The following MKLN1 variants were observed in gnomAD, a reference collection of about 807,000 sequenced individuals.
MKLN1 encodes the protein muskelin 1, also known as muskelin.
Under a neutral mutation model 99.0 loss-of-function variants are expected in MKLN1, and 18 were observed. That is an observed-to-expected ratio of 0.18 (90% CI 0.13 to 0.27). The LOEUF is 0.27. Ranked by LOEUF, MKLN1 falls within the 10% of genes least tolerant of loss-of-function variation. The pLI is 1.00. For synonymous variants in MKLN1, 288 were observed against 293.2 expected, an observed-to-expected ratio of 0.98 and a Z score of 0.18; for missense variants, 621 against 875.9, an observed-to-expected ratio of 0.71 and a Z score of 3.67.
At chr7:131,468,349 T>C (rs1328755883) in intron 15 of MKLN1, among the ~76,000 whole-genome samples, 1 of 152,246 alleles carries the variant, frequency 6.6e-6, no homozygotes, top group Non-Finnish European at 1.5e-5. Context: ...TAGAAGAAGT[T>C]TGTGTCTATG....
chr7:131,371,578 C>T (rs1793464907), intron 1 of MKLN1, among the ~76,000 whole-genome samples: 1 of 152,034 alleles, frequency 6.6e-6, no homozygotes, highest in South Asian at 2.1e-4. Context: ...TTCACAAGAC[C>T]AAAACATATT....
At chr7:131,421,751 G>A (rs1432167298) in intron 8 of MKLN1, among the ~76,000 whole-genome samples, 2 of 152,032 alleles carry the variant, frequency 1.3e-5, no homozygotes, top group African/African-American at 2.4e-5. Context: ...TTTCACTATG[G>A]AAATGTTTTA....
chr7:131,400,518 A>T (rs199967941), intron 6 of MKLN1, among the ~76,000 whole-genome samples: 3,149 of 137,398 alleles, frequency 0.023, 82 homozygotes, highest in African/African-American at 0.064. Context: ...ATAAAAAAAA[A>T]ATATATATAT....
intron 1 of MKLN1, among the ~76,000 whole-genome samples, chr7:131,335,499 A>G (rs1799224832): frequency 6.6e-6 from 1 of 152,132 alleles, no homozygotes; most frequent in South Asian, 2.1e-4. Flanking sequence ...AGATTGAAGT[A>G]CCCTAACATA....
intron 3 of MKLN1, among the ~76,000 whole-genome samples, chr7:131,304,628 G>C (rs4416774): frequency 6.6e-6 from 1 of 152,128 alleles, no homozygotes; most frequent in African/African-American, 2.4e-5. Flanking sequence ...TTAACAGTTA[G>C]CACTGTTAAA....
chr7:131,438,031 A>T (rs1795724806), intron 10 of MKLN1, 34 bp downstream of exon 10: 1 of 1,496,432 alleles, frequency 6.7e-7, no homozygotes, highest in Non-Finnish European at 9.3e-7. Flanking sequence ...GATGGAATTA[A>T]TCAGTGCTTA....
chr7:131,475,610 G>GCAAA (rs2116662529), intron 16 of MKLN1, among the ~76,000 whole-genome samples: 1 of 152,292 alleles, frequency 6.6e-6, no homozygotes, highest in East Asian at 1.9e-4. Flanking sequence ...CCATGAGTTT[G>GCAAA]AGACCAGCTT....
chr7:131,332,922 C>A (rs906010084), intron 1 of MKLN1, among the ~76,000 whole-genome samples: 1 of 151,872 alleles, frequency 6.6e-6, no homozygotes, highest in African/African-American at 2.4e-5. Flanking sequence ...TGCCATCACG[C>A]CTGGCTAATT....
intron 3 of MKLN1, among the ~76,000 whole-genome samples, chr7:131,208,456 G>A (rs1796851814): frequency 6.6e-6 from 1 of 152,112 alleles, no homozygotes; most frequent in African/African-American, 2.4e-5. Context: ...ATAGCTGGGT[G>A]TGGTGGTGCG....
intron 3 of MKLN1, among the ~76,000 whole-genome samples, chr7:131,284,426 A>G (rs1798103153): frequency 6.6e-6 from 1 of 152,206 alleles, no homozygotes; most frequent in Non-Finnish European, 1.5e-5. Context: ...CCAAGTATGC[A>G]TGTGTATATG....
intron 6 of MKLN1, among the ~76,000 whole-genome samples, chr7:131,407,836 T>A (rs1345400680): frequency 1.3e-5 from 2 of 152,106 alleles, no homozygotes; most frequent in East Asian, 1.9e-4. Flanking sequence ...TTCATTATAT[T>A]CTCACTGAAT....
Position 131,488,928 on chromosome 7 carries a change from GTCT to G in MKLN1, c.*1204_*1206del, listed in dbSNP as rs1224029921. ...TTTTGTGTGAGAGATAGAGGTACAT[GTCT>G]TCTGATGATGTGCTGTGGAATGCAA... On this transcript the variant is annotated 3_prime_UTR_variant, in exon 18 of 18. Transcript: ENST00000352689. 6.6e-6 allele frequency: 1 copy of G among 152,126 alleles called. No homozygotes were observed. The highest frequency in any genetic ancestry group is 6.6e-5 in the Admixed American group (1 of 15,260). The allele number at this position is 152,126 out of a possible 1,614,324, so 9.4% of individuals were successfully genotyped here.
intron 1 of MKLN1, among the ~76,000 whole-genome samples, chr7:131,118,662 G>A (rs752206855): frequency 2.0e-5 from 3 of 152,156 alleles, no homozygotes; most frequent in East Asian, 1.9e-4. Context: ...AGGAAGCATC[G>A]CTGGGGAGGT....
rs1421719689 is a variant in MKLN1 at position 131,494,991 on chromosome 7, G to A, written c.*7263G>A. On this transcript the variant is annotated 3_prime_UTR_variant, in exon 18 of 18. Coordinates refer to ENST00000352689, the MANE Select transcript of MKLN1 (RefSeq NM_013255.5). ...TTCTTATCTTGCTCCCACTCCAAAAGCTATGTACAGTTGAGTTATTAGCCT... is the reference window on the plus strand; with the variant it reads ...TTCTTATCTTGCTCCCACTCCAAAAACTATGTACAGTTGAGTTATTAGCCT... 1.3e-5 allele frequency: 2 copies of A among 152,144 alleles called. No individual in the cohort carries two copies. The highest frequency in any genetic ancestry group is 6.5e-5 in the Admixed American group (1 of 15,274). 9.4% of individuals were successfully genotyped at this position (152,144 alleles called of 1,614,324 possible).
chr7:131,121,800 G>C (rs1293895055), intron 1 of MKLN1, among the ~76,000 whole-genome samples: 2 of 152,124 alleles, frequency 1.3e-5, no homozygotes, highest in Non-Finnish European at 2.9e-5. Flanking sequence ...AGGTTCATAA[G>C]AGCTGCTGGA....
intron 1 of MKLN1, among the ~76,000 whole-genome samples, chr7:131,330,124 T>A (rs1444656062): frequency 6.6e-6 from 1 of 152,184 alleles, no homozygotes; most frequent in East Asian, 1.9e-4. Context: ...TGAACTTCTA[T>A]AAGCAAGCAA....
At chr7:131,482,630 G>A (rs1797158406) in intron 17 of MKLN1, among the ~76,000 whole-genome samples, 1 of 152,142 alleles carries the variant, frequency 6.6e-6, no homozygotes, top group Non-Finnish European at 1.5e-5. Context: ...ATGGTGGTGT[G>A]AGATGGAAGA....
chr7:131,254,889 A>G (rs1797635852), intron 3 of MKLN1, among the ~76,000 whole-genome samples: 1 of 152,060 alleles, frequency 6.6e-6, no homozygotes, highest in Non-Finnish European at 1.5e-5. Context: ...TCGAAGAAAC[A>G]ATGGCTGAAA....
At chr7:131,352,125 G>A (rs894052233) in intron 1 of MKLN1, among the ~76,000 whole-genome samples, 2 of 152,006 alleles carry the variant, frequency 1.3e-5, no homozygotes, top group South Asian at 2.1e-4. Context: ...TTTTAAAAAC[G>A]AAAAGCATTT....
Sources: gnomAD v4.1 joint callset for allele counts (sites outside exome capture counted in the v4.1 genomes callset) on GRCh38, gnomAD v4.1.1 for gene constraint, MANE v1.5 for transcripts, NCBI Gene and HGNC (gene_info 2026-07-23, HGNC 2026-07-21) for gene names.